ST7: variants seen among roughly 807,000 people sequenced by gnomAD.
ST7 encodes suppressor of tumorigenicity 7 protein.
In ST7, 28 loss-of-function variants were observed where a neutral mutation model predicts 78.7. That is an observed-to-expected ratio of 0.36 (90% CI 0.26 to 0.49). The LOEUF (loss-of-function observed/expected upper bound fraction) is 0.49. ST7 is among the 20% of genes least tolerant of loss of function. The pLI is 0.99. For synonymous variants in ST7, 247 were observed against 249.6 expected, an observed-to-expected ratio of 0.99 and a Z score of 0.10; for missense variants, 418 against 696.0, an observed-to-expected ratio of 0.60 and a Z score of 4.49.
chr7:117,160,683 A>T (rs1360479718), intron 9 of ST7, among the ~76,000 whole-genome samples: 1 of 151,680 alleles, frequency 6.6e-6, no homozygotes, highest in African/African-American at 2.4e-5. Context: ...ATATGTATTT[A>T]TTCTCTTTTA....
intron 1 of ST7, among the ~76,000 whole-genome samples, chr7:117,041,364 A>T (rs1378238481): frequency 6.6e-6 from 1 of 152,134 alleles, no homozygotes; most frequent in Non-Finnish European, 1.5e-5. Flanking sequence ...AGTGCCAAAA[A>T]ACCATGTTAC....
At chr7:117,117,463 C>A (rs1802977656) in intron 2 of ST7, among the ~76,000 whole-genome samples, 1 of 152,130 alleles carries the variant, frequency 6.6e-6, no homozygotes, top group African/African-American at 2.4e-5. Context: ...ATATAGAAAG[C>A]AGAAAAATGA....
At chr7:117,004,290 A>T (rs1331095895) in intron 1 of ST7, among the ~76,000 whole-genome samples, 1 of 152,174 alleles carries the variant, frequency 6.6e-6, no homozygotes, top group Non-Finnish European at 1.5e-5. Context: ...GAGTTCTTTG[A>T]CCTTGCCTTC....
chr7:116,971,921 C>T (rs553577590), intron 1 of ST7, among the ~76,000 whole-genome samples: 15 of 152,320 alleles, frequency 9.8e-5, no homozygotes, highest in Admixed American at 7.8e-4. Flanking sequence ...AGACATTATG[C>T]ATTGTGCTCA....
intron 15 of ST7, chr7:117,223,868 C>A: frequency 1.2e-6 from 1 of 824,478 alleles, no homozygotes. Context: ...CAGTGCCTTG[C>A]TCATAGTAGG....
At chr7:117,223,086 A>G in intron 15 of ST7, 1 of 755,366 alleles carries the variant, frequency 1.3e-6, no homozygotes, top group Non-Finnish European at 2.3e-6. Context: ...AGCCCTTCCA[A>G]ACTCTTCCCT....
intron 2 of ST7, among the ~76,000 whole-genome samples, chr7:117,104,172 G>A (rs1801779786): frequency 1.3e-5 from 2 of 152,192 alleles, no homozygotes; most frequent in African/African-American, 4.8e-5. Context: ...TAGGTGCAGT[G>A]GCTCACGCCT....
intron 1 of ST7, among the ~76,000 whole-genome samples, chr7:116,963,643 T>C (rs1792948421): frequency 6.6e-6 from 1 of 151,088 alleles, no homozygotes; most frequent in African/African-American, 2.4e-5. Flanking sequence ...TTTTTTTTTT[T>C]TTTTTGGAGA....
rs373220676 is a variant in ST7 at position 117,155,592 on chromosome 7, C to T, written c.964-15270C>T. Among the ~76,000 whole-genome samples, 7 of 152,286 alleles carry T rather than the reference C, an allele frequency of 4.6e-5. No homozygotes were observed. The East Asian group carries it at 9.7e-4, about 21-fold the overall frequency. ...TGGACATATGTATCTCAACGCCCTA[C>T]CCTTGGTTCATAGGCCTCCCCTTGG... On this transcript the variant is annotated intron_variant, in intron 9 of 15. Coordinates refer to ENST00000323984, the MANE Select transcript of ST7 (RefSeq NM_001369598.1).
intron 1 of ST7, among the ~76,000 whole-genome samples, chr7:116,965,629 A>G (rs1793071771): frequency 6.6e-6 from 1 of 152,194 alleles, no homozygotes; most frequent in Non-Finnish European, 1.5e-5. Context: ...CTGTTTTTTA[A>G]TTGCTTATCT....
chr7:117,061,292 C>T (rs1798341967), intron 1 of ST7, among the ~76,000 whole-genome samples: 1 of 152,064 alleles, frequency 6.6e-6, no homozygotes. Context: ...AAATTGAGCT[C>T]TAAGGATTCC....
intron 1 of ST7, among the ~76,000 whole-genome samples, chr7:117,064,418 G>T (rs1441958190): frequency 6.6e-6 from 1 of 152,074 alleles, no homozygotes; most frequent in East Asian, 1.9e-4. Flanking sequence ...TTTCACAACT[G>T]TTTAATTAAC....
At chr7:117,209,578 G>A (rs974602270) in intron 12 of ST7, among the ~76,000 whole-genome samples, 1 of 152,210 alleles carries the variant, frequency 6.6e-6, no homozygotes, top group African/African-American at 2.4e-5. Context: ...GATCTTCACT[G>A]TAGGAAACTA....
At chr7:116,967,665 T>G (rs1242534200) in intron 1 of ST7, among the ~76,000 whole-genome samples, 1 of 152,350 alleles carries the variant, frequency 6.6e-6, no homozygotes, top group East Asian at 1.9e-4. Context: ...AGCATGATAA[T>G]GATGAGTACC....
chr7:117,209,052 A>G (rs1167658055), intron 12 of ST7, among the ~76,000 whole-genome samples: 1 of 152,170 alleles, frequency 6.6e-6, no homozygotes, highest in African/African-American at 2.4e-5. Context: ...ATAGTAAAAC[A>G]AAAGAATAAA....
intron 1 of ST7, among the ~76,000 whole-genome samples, chr7:116,994,835 T>C (rs1056997411): frequency 6.6e-6 from 1 of 152,244 alleles, no homozygotes; most frequent in Non-Finnish European, 1.5e-5. Context: ...ATATGTGTAA[T>C]GTAAAATGAA....
intron 1 of ST7, among the ~76,000 whole-genome samples, chr7:117,055,592 A>G (rs912111911): frequency 6.6e-6 from 1 of 152,220 alleles, no homozygotes; most frequent in Admixed American, 6.5e-5. Context: ...ATTGTCACCA[A>G]TAACCTGTGC....
intron 1 of ST7, among the ~76,000 whole-genome samples, chr7:116,987,267 C>T (rs577981027): frequency 6.6e-6 from 1 of 152,270 alleles, no homozygotes; most frequent in South Asian, 2.1e-4. Flanking sequence ...TATTTTTCAT[C>T]TTTAAGTATC....
chr7:117,056,581 G>A (rs1563047764), intron 1 of ST7, among the ~76,000 whole-genome samples: 1 of 152,082 alleles, frequency 6.6e-6, no homozygotes, highest in Admixed American at 6.5e-5. Flanking sequence ...GTTGCAGTGA[G>A]CCAAGATTGC....
Sources: allele counts gnomAD v4.1 joint callset (sites outside exome capture counted in the v4.1 genomes callset), GRCh38; gene constraint gnomAD v4.1.1; transcripts MANE v1.5; gene names NCBI Gene and HGNC (gene_info 2026-07-23, HGNC 2026-07-21).